ZFYVE1: variants seen among roughly 807,000 people sequenced by gnomAD.
ZFYVE1 encodes zinc finger FYVE domain-containing protein 1.
A neutral mutation model predicts 74.4 loss-of-function variants in ZFYVE1; 30 were observed. The ratio of observed to expected loss-of-function variants is 0.40; its 90% CI spans 0.30 to 0.55. The LOEUF is 0.55. ZFYVE1 is among the 20% of genes least tolerant of loss of function. ZFYVE1 has a pLI of 0.42. For missense variants in ZFYVE1, 703 were observed against 1,011.6 expected, an observed-to-expected ratio of 0.69 and a Z score of 4.14; for synonymous variants, 335 against 385.1, an observed-to-expected ratio of 0.87 and a Z score of 1.52.
At chr14:73,023,419 GT>G (rs1320128104) in intron 2 of ZFYVE1, among the ~76,000 whole-genome samples, 1 of 127,682 alleles carries the variant, frequency 7.8e-6, no homozygotes, top group Non-Finnish European at 1.6e-5. Context: ...TATATTTTAT[GT>G]TTTATATATA....
intron 2 of ZFYVE1, among the ~76,000 whole-genome samples, chr14:73,005,918 AAC>A (rs1169162327): frequency 6.6e-6 from 1 of 151,992 alleles, no homozygotes; most frequent in Non-Finnish European, 1.5e-5. Flanking sequence ...TGCTAATCAA[AAC>A]ACATTTTTTT....
chr14:73,009,400 C>G (rs548381180), intron 2 of ZFYVE1, among the ~76,000 whole-genome samples: 1 of 152,222 alleles, frequency 6.6e-6, no homozygotes, highest in Non-Finnish European at 1.5e-5. Flanking sequence ...GACATCATTG[C>G]TGCTTTGCCC....
intron 4 of ZFYVE1, chr14:72,986,905 A>G: frequency 1.0e-6 from 1 of 985,314 alleles, no homozygotes; most frequent in Non-Finnish European, 1.2e-6. Context: ...ACATCATTCC[A>G]CAGTTTCTTG....
intron 4 of ZFYVE1, among the ~76,000 whole-genome samples, chr14:72,988,015 T>C (rs573050664): frequency 6.6e-6 from 1 of 152,296 alleles, no homozygotes; most frequent in South Asian, 2.1e-4. Context: ...TGTGCATGCA[T>C]GTGTGCACAC....
chr14:72,982,413 A>C (rs1893359041), intron 4 of ZFYVE1, among the ~76,000 whole-genome samples: 1 of 152,136 alleles, frequency 6.6e-6, no homozygotes, highest in Non-Finnish European at 1.5e-5. Flanking sequence ...AAGAAGAATT[A>C]TTATAGTGTT....
At chr14:72,985,892 C>A (rs1259884608) in intron 4 of ZFYVE1, among the ~76,000 whole-genome samples, 1 of 152,178 alleles carries the variant, frequency 6.6e-6, no homozygotes, top group East Asian at 1.9e-4. Context: ...GGATTATAGG[C>A]GTGAGCCACT....
At chr14:73,008,236 C>T (rs888034787) in intron 2 of ZFYVE1, among the ~76,000 whole-genome samples, 19 of 152,296 alleles carry the variant, frequency 1.2e-4, no homozygotes, top group Middle Eastern at 3.4e-3. Flanking sequence ...CTCGGCTCAC[C>T]GCAACCTCTG....
At chr14:72,995,197 C>G (rs1231955839) in intron 3 of ZFYVE1, among the ~76,000 whole-genome samples, 1 of 152,116 alleles carries the variant, frequency 6.6e-6, no homozygotes, top group Admixed American at 6.6e-5. Flanking sequence ...AGGGTTCAAG[C>G]GATTCTCCTG....
At chr14:73,026,876 G>C (rs1359611898) in intron 1 of ZFYVE1, 50 bp downstream of exon 1, 3 of 374,706 alleles carry the variant, frequency 8.0e-6, no homozygotes, top group Non-Finnish European at 1.4e-5. Flanking sequence ...CCCCGCGCTG[G>C]GCCGTGCCCT....
intron 2 of ZFYVE1, among the ~76,000 whole-genome samples, chr14:73,005,085 C>T (rs1334745582): frequency 6.6e-6 from 1 of 151,906 alleles, no homozygotes; most frequent in Non-Finnish European, 1.5e-5. Flanking sequence ...CACACTGAAA[C>T]CACACTTCTC....
At chr14:73,004,326 G>T (rs539075657) in intron 2 of ZFYVE1, among the ~76,000 whole-genome samples, 10 of 152,032 alleles carry the variant, frequency 6.6e-5, no homozygotes, top group African/African-American at 2.4e-4. Context: ...ACTCTGTCGC[G>T]ACTCTTTACA....
intron 4 of ZFYVE1, among the ~76,000 whole-genome samples, chr14:72,982,350 T>C (rs979386879): frequency 1.3e-5 from 2 of 151,084 alleles, no homozygotes; most frequent in Non-Finnish European, 2.9e-5. Context: ...TGGAGTTTAC[T>C]AGACCATAGA....
At chr14:72,992,594 G>T (rs1426155947) in intron 4 of ZFYVE1, among the ~76,000 whole-genome samples, 2 of 150,896 alleles carry the variant, frequency 1.3e-5, no homozygotes, top group Non-Finnish European at 1.5e-5. Flanking sequence ...TTCTACCTCT[G>T]GGGGGAGGTC....
chr14:73,009,042 A>G (rs186798291), intron 2 of ZFYVE1, among the ~76,000 whole-genome samples: 1 of 152,310 alleles, frequency 6.6e-6, no homozygotes, highest in East Asian at 1.9e-4. Flanking sequence ...TGTGTTGTTC[A>G]CTACCGTAAC....
chr14:72,970,008 A>T lies in ZFYVE1; in HGVS notation c.*874T>A. The T allele has an allele frequency of 2.2e-6, 1 of 450,224 alleles. No homozygotes were observed. Among genetic ancestry groups the T allele is most frequent in the Non-Finnish European group, 3.9e-6 (1 of 253,814 alleles). The allele number at this position is 450,224 out of a possible 1,614,324, so 27.9% of individuals were successfully genotyped here. On this transcript the variant is annotated 3_prime_UTR_variant, in exon 12 of 12. Coordinates refer to ENST00000556143, the MANE Select transcript of ZFYVE1 (RefSeq NM_021260.4). ...ATCCTAGTGCGACACTCAGAAGCAG[A>T]TGGTGGGCTTGAGGGGGCCGAGGGG...
At chr14:72,995,499 C>G (rs1207116133) in intron 3 of ZFYVE1, among the ~76,000 whole-genome samples, 1 of 758 alleles carries the variant, frequency 1.3e-3, no homozygotes, top group Non-Finnish European at 0.012. Flanking sequence ...TCCCAAAGTG[C>G]TGGACTATAG....
In ZFYVE1 at chr14:72,998,013, G is replaced by A. The variant is rs145377548; in HGVS notation, c.786C>T (p.Leu262=). ...LLLKVLAISD[L]VIYRTHADRL... is the part of the protein sequence containing the mutation. ...GGTCTGCATGAGTTCGATAGATGACGAGGTCTGAGATGGCCAGGACCTTAA... is the reference window on the plus strand; with the variant it reads ...GGTCTGCATGAGTTCGATAGATGACAAGGTCTGAGATGGCCAGGACCTTAA... Residue 262 remains leucine (L), a synonymous_variant, in exon 3 of 12, where the codon CTC becomes CTT. Transcript: ENST00000556143. The A allele has an allele frequency of 1.1e-4, 178 of 1,614,072 alleles. No homozygotes were observed. The African/African-American group carries it at 1.6e-3, about 15-fold the overall frequency.
At chr14:72,991,183 A>AT (rs57153409) in intron 4 of ZFYVE1, among the ~76,000 whole-genome samples, 2,150 of 83,298 alleles carry the variant, frequency 0.026, 74 homozygotes, top group African/African-American at 0.05. Flanking sequence ...CCCTGATGGT[A>AT]TTTTTTTTTT....
intron 4 of ZFYVE1, chr14:72,986,875 G>A: frequency 1.0e-6 from 1 of 985,280 alleles, no homozygotes; most frequent in South Asian, 4.7e-5. Flanking sequence ...TTATTAGCAG[G>A]TTCAAAAATT....
Sources: allele counts gnomAD v4.1 joint callset (sites outside exome capture counted in the v4.1 genomes callset), GRCh38; gene constraint gnomAD v4.1.1; transcripts MANE v1.5; gene names NCBI Gene and HGNC (gene_info 2026-07-23, HGNC 2026-07-21).